Variants in AP3D1 observed in about 807,000 individuals in gnomAD.
AP3D1 encodes AP-3 complex subunit delta-1.
AP3D1 carries 51 observed loss-of-function variants against 147.6 expected under a neutral mutation model. The observed-to-expected ratio is 0.35, with a 90% CI of 0.28 to 0.44. The LOEUF (loss-of-function observed/expected upper bound fraction) is 0.44. Ranked by LOEUF, AP3D1 falls within the 20% of genes least tolerant of loss-of-function variation. The probability of loss-of-function intolerance (pLI) is 1.00; values close to 1 mark genes in which losing one functional copy is unlikely to be tolerated. For synonymous variants in AP3D1, 760 were observed against 663.0 expected (o/e 1.15, Z -2.25); for missense variants, 1,421 against 1,624.2 (o/e 0.87, Z 2.15).
intron 1 of AP3D1, among the ~76,000 whole-genome samples, chr19:2,140,330 G>A (rs1284051207): frequency 6.6e-6 from 1 of 152,138 alleles, no homozygotes; most frequent in African/African-American, 2.4e-5. Context: ...CACCCGAGGG[G>A]ATGGAAAACA....
intron 5 of AP3D1, among the ~76,000 whole-genome samples, chr19:2,132,194 C>A (rs1251347299): frequency 2.0e-5 from 3 of 152,130 alleles, no homozygotes; most frequent in African/African-American, 7.2e-5. Flanking sequence ...ACTGTCAGAC[C>A]TCAGGGCAAA....
At chr19:2,138,070 G>A (rs2019123768) in intron 2 of AP3D1, among the ~76,000 whole-genome samples, 1 of 152,182 alleles carries the variant, frequency 6.6e-6, no homozygotes, top group Non-Finnish European at 1.5e-5. Flanking sequence ...GCGCTTACGG[G>A]TACTGGCTAC....
At chr19:2,151,921 G>C (rs373085394), upstream of AP3D1, among the ~76,000 whole-genome samples, 3 of 152,250 alleles carry the variant, frequency 2.0e-5, no homozygotes, top group Non-Finnish European at 4.4e-5. Context: ...AAGTTCCCGA[G>C]GAAGACTGGA....
intron 23 of AP3D1, 22 bp from the exon 24 acceptor site, chr19:2,112,989 G>A: frequency 6.3e-7 from 1 of 1,585,208 alleles, no homozygotes; most frequent in Non-Finnish European, 8.6e-7. Context: ...CAGGGCTTGG[G>A]GCTCATGCTG....
chr19:2,103,585 A>G (rs1238115145), intron 31 of AP3D1, among the ~76,000 whole-genome samples: 1 of 152,218 alleles, frequency 6.6e-6, no homozygotes, highest in East Asian at 1.9e-4. Context: ...AACCGAAGGC[A>G]CTGAGTCCAG....
intron 1 of AP3D1, among the ~76,000 whole-genome samples, chr19:2,159,495 T>C (rs1055792359): frequency 5.9e-5 from 9 of 151,810 alleles, no homozygotes; most frequent in African/African-American, 1.9e-4. Flanking sequence ...TTCAAGCGAT[T>C]CTCCCGCCTC....
chr19:2,103,448 T>C (rs563605915), intron 31 of AP3D1, among the ~76,000 whole-genome samples: 1 of 151,934 alleles, frequency 6.6e-6, no homozygotes, highest in Non-Finnish European at 1.5e-5. Context: ...GAAGTGACTG[T>C]GGAAGAAGCC....
rs2017941472 is a variant in AP3D1 at position 2,101,188 on chromosome 19, A to G, written c.*985T>C. The G allele has an allele frequency of 6.6e-6, 1 of 152,600 alleles. No homozygotes were observed. The highest frequency in any genetic ancestry group is 2.1e-4 in the South Asian group (1 of 4,836). 9.5% of individuals were successfully genotyped at this position (152,600 alleles called of 1,614,324 possible). On this transcript the variant is annotated 3_prime_UTR_variant, in exon 32 of 32. Coordinates refer to ENST00000643116, the MANE Select transcript of AP3D1 (RefSeq NM_001261826.3). ...TAAAGTGACAGTTTTCATCAAAAGG[A>G]GAAGATAAAATGTCATTATCTCTGA... is the stretch of plus-strand genomic sequence containing the variant.
chr19:2,147,954 C>T (rs1018119360), intron 1 of AP3D1, among the ~76,000 whole-genome samples: 10 of 151,048 alleles, frequency 6.6e-5, no homozygotes, highest in South Asian at 4.2e-4. Context: ...GAGGCCGAGG[C>T]GGGAGGATCA....
intron 9 of AP3D1, among the ~76,000 whole-genome samples, chr19:2,124,115 G>A (rs886248036): frequency 1.3e-5 from 2 of 152,214 alleles, no homozygotes; most frequent in Non-Finnish European, 2.9e-5. Context: ...GATGGCTCGG[G>A]GCCTCAGCTG....
chr19:2,143,979 G>A (rs187440961), intron 1 of AP3D1, among the ~76,000 whole-genome samples: 1 of 151,944 alleles, frequency 6.6e-6, no homozygotes, highest in East Asian at 1.9e-4. Flanking sequence ...CCAGCTACTC[G>A]GGAGGCTGAG....
At position 2,132,663 on chromosome 19, in the gene AP3D1, A is replaced by G. The variant is rs1279005179; in HGVS notation, c.355-85T>C. On this transcript the variant is annotated intron_variant, in intron 4 of 31. Transcript: ENST00000643116. Reference sequence around the variant, plus strand: ...GGGTCACCAGGAGCAGCAGGAGCGAAATTCTCCCAGGATGCCCCAGGACTC... The same window carrying G: ...GGGTCACCAGGAGCAGCAGGAGCGAGATTCTCCCAGGATGCCCCAGGACTC... 3.3e-6 allele frequency: 4 copies of G among 1,198,636 alleles called. No homozygotes were observed. In the Admixed American group the frequency reaches 7.3e-5, roughly 22 times the overall value. The allele number at this position is 1,198,636 out of a possible 1,614,324, so 74.3% of individuals were successfully genotyped here. A position where few individuals can be genotyped will look rare whatever the true frequency, so the allele number is the denominator to read the frequency against.
intron 1 of AP3D1, among the ~76,000 whole-genome samples, chr19:2,142,965 T>C (rs1001297209): frequency 2.6e-5 from 4 of 152,038 alleles, no homozygotes; most frequent in South Asian, 2.1e-4. Context: ...GGTTTCTCCA[T>C]GTTGGCCAGG....
upstream of AP3D1, among the ~76,000 whole-genome samples, chr19:2,154,425 G>A (rs1425174549): frequency 2.6e-5 from 4 of 151,510 alleles, no homozygotes; most frequent in Non-Finnish European, 4.4e-5. Context: ...GACTACAGGC[G>A]CTCGCCACCA....
intron 1 of AP3D1, among the ~76,000 whole-genome samples, chr19:2,149,121 A>G (rs1401872911): frequency 1.3e-5 from 2 of 152,316 alleles, no homozygotes; most frequent in East Asian, 1.9e-4. Context: ...CCTCTGGACC[A>G]TAACAATCGT....
rs749666320 is a variant in AP3D1, at chr19:2,110,190, G to C, written c.3210C>G (p.Ile1070Met). 1.2e-6 allele frequency: 2 copies of C among 1,612,684 alleles called. No individual in the cohort carries two copies. The highest frequency in any genetic ancestry group is 1.7e-6 in the Non-Finnish European group (2 of 1,180,002). Residue 1070 changes from isoleucine to methionine, a missense_variant, in exon 28 of 32, where the codon ATC becomes ATG. Physicochemically the swap from Ile to Met is conservative, Grantham distance 10. This residue lies in a region of AP3D1 where 791 missense variants were observed against 761.4 expected (regional missense o/e 1.04). Transcript: ENST00000643116. Reference sequence around the variant, plus strand: ...GCTTCTGCGCCATGACGATGCTCTGGATGGTGAACACATACTGGGCTTCGT... The same window carrying C: ...GCTTCTGCGCCATGACGATGCTCTGCATGGTGAACACATACTGGGCTTCGT... ...VSNEAQYVFT[I>M]QSIVMAQKLK...
At chr19:2,115,138 A>T in intron 20 of AP3D1, 81 bp downstream of exon 20, 1 of 1,403,432 alleles carries the variant, frequency 7.1e-7, no homozygotes, top group South Asian at 1.3e-5. Context: ...GACCATGGGG[A>T]GAGGCCACTG....
chr19:2,163,692 G>C (rs1311871797), intron 1 of AP3D1, among the ~76,000 whole-genome samples: 1 of 151,922 alleles, frequency 6.6e-6, no homozygotes, highest in African/African-American at 2.4e-5. Context: ...CGCCCACAGG[G>C]TCTCCCCGGG....
chr19:2,125,652 AT>A (rs901821129), intron 9 of AP3D1, among the ~76,000 whole-genome samples: 5 of 151,526 alleles, frequency 3.3e-5, no homozygotes, highest in Non-Finnish European at 5.9e-5. Context: ...GTAGATGGTA[AT>A]TTTTTTTTCT....
Sources: gnomAD v4.1 joint callset for allele counts (sites outside exome capture counted in the v4.1 genomes callset) on GRCh38, gnomAD v4.1.1 for gene constraint, gnomAD v4.1.1 regional missense constraint, MANE v1.5 for transcripts, NCBI Gene and HGNC (gene_info 2026-07-23, HGNC 2026-07-21) for gene names.